The following ERICH5 variants were observed in gnomAD, a reference collection of about 807,000 sequenced individuals.
ERICH5 encodes the protein glutamate rich 5, also known as glutamate-rich protein 5.
Under a neutral mutation model 28.0 loss-of-function variants are expected in ERICH5, and 24 were observed. The observed-to-expected ratio is 0.86, with a 90% CI of 0.62 to 1.21. ERICH5 has a LOEUF of 1.21. Among genes scored for constraint, ERICH5 ranks in the 50% most tolerant of loss-of-function variants. The pLI, the probability that ERICH5 is intolerant of heterozygous loss-of-function variation, is 0.00. For synonymous variants in ERICH5, 163 were observed against 157.6 expected, an observed-to-expected ratio of 1.03 and a Z score of -0.25; for missense variants, 421 against 441.2, an observed-to-expected ratio of 0.95 and a Z score of 0.41.
At chr8:98,076,084 C>A (rs1815048309) in intron 1 of ERICH5, among the ~76,000 whole-genome samples, 1 of 152,070 alleles carries the variant, frequency 6.6e-6, no homozygotes, top group Non-Finnish European at 1.5e-5. Context: ...GAGTCTCTCT[C>A]TCTCTGTCAC....
intron 1 of ERICH5, among the ~76,000 whole-genome samples, chr8:98,070,185 G>A (rs1282797207): frequency 6.6e-6 from 1 of 151,976 alleles, no homozygotes; most frequent in Non-Finnish European, 1.5e-5. Context: ...CTGGGATCTG[G>A]TCCTAGTTCT....
chr8:98,066,437 T>C (rs1755437960), intron 1 of ERICH5, among the ~76,000 whole-genome samples: 1 of 152,236 alleles, frequency 6.6e-6, no homozygotes, highest in Non-Finnish European at 1.5e-5. Flanking sequence ...TTTCAGGGAA[T>C]GTAACTTTGG....
chr8:98,080,163 T>A (rs894421067), intron 1 of ERICH5, among the ~76,000 whole-genome samples: 1 of 152,244 alleles, frequency 6.6e-6, no homozygotes, highest in Admixed American at 6.5e-5. Context: ...CTGTTTAGTG[T>A]GGCTACCTTT....
At chr8:98,071,371 G>A (rs1458972147) in intron 1 of ERICH5, among the ~76,000 whole-genome samples, 1 of 152,248 alleles carries the variant, frequency 6.6e-6, no homozygotes, top group Non-Finnish European at 1.5e-5. Flanking sequence ...ACAATATCAA[G>A]TTGAAAGAAA....
At chr8:98,066,836 T>A (rs919137715) in intron 1 of ERICH5, among the ~76,000 whole-genome samples, 1 of 152,238 alleles carries the variant, frequency 6.6e-6, no homozygotes, top group African/African-American at 2.4e-5. Flanking sequence ...AATTCATTCC[T>A]GTTTCTGCAC....
intron 1 of ERICH5, among the ~76,000 whole-genome samples, chr8:98,084,277 T>C (rs2130527153): frequency 6.6e-6 from 1 of 152,324 alleles, no homozygotes; most frequent in Non-Finnish European, 1.5e-5. Flanking sequence ...ACTGTCATTA[T>C]GTCCAGTCAT....
chr8:98,080,936 C>G (rs1815172601), intron 1 of ERICH5, among the ~76,000 whole-genome samples: 1 of 152,090 alleles, frequency 6.6e-6, no homozygotes, highest in Non-Finnish European at 1.5e-5. Context: ...CTCTTGACCT[C>G]AAGTGATTTG....
chr8:98,088,805 G>A (rs1293312863), intron 1 of ERICH5, among the ~76,000 whole-genome samples: 3 of 152,212 alleles, frequency 2.0e-5, no homozygotes, highest in Admixed American at 2.0e-4. Context: ...TGGGACAGGA[G>A]CCATGAAAAG....
At chr8:98,093,191 T>A (rs369689740) in intron 2 of ERICH5, 30 bp from the exon 3 acceptor site, 7 of 1,451,488 alleles carry the variant, frequency 4.8e-6, no homozygotes, top group Non-Finnish European at 6.7e-6. Context: ...AATAAATGTC[T>A]CTTAGTATCT....
chr8:98,065,022 T>A (rs9656782), intron 1 of ERICH5, among the ~76,000 whole-genome samples: 3,285 of 151,788 alleles, frequency 0.022, 125 homozygotes, highest in African/African-American at 0.075. Context: ...TCTCGGGGAG[T>A]TGGTGTTGAG....
At chr8:98,085,365 G>C (rs1233980685) in intron 1 of ERICH5, among the ~76,000 whole-genome samples, 1 of 151,346 alleles carries the variant, frequency 6.6e-6, no homozygotes, top group African/African-American at 2.4e-5. Flanking sequence ...GGGTTTCACC[G>C]TGTTAGCCAG....
At position 98,067,777 on chromosome 8, in the gene ERICH5, G is replaced by A. The variant is rs144475570; in HGVS notation, c.58+3050G>A. On this transcript the variant is annotated intron_variant, in intron 1 of 2. Transcript: ENST00000318528. ...ATTACAGGCATGTGCCACCACACTC[G>A]GCTAATTTTGTATTTTTAGTAGAGA... 1.2e-3 allele frequency among the ~76,000 whole-genome samples: 189 copies of A among 151,862 alleles called. 1 individual carries two copies. The highest frequency in any genetic ancestry group is 4.4e-3 in the African/African-American group (182 of 41,444).
intron 1 of ERICH5, among the ~76,000 whole-genome samples, chr8:98,067,659 A>G (rs62523600): frequency 0.1 from 15,630 of 151,156 alleles, 1,013 homozygotes; most frequent in South Asian, 0.2. Context: ...CTTGTTGCCC[A>G]GGCTGGAGTG....
intron 1 of ERICH5, among the ~76,000 whole-genome samples, chr8:98,066,211 G>C (rs994192988): frequency 6.6e-6 from 1 of 152,186 alleles, no homozygotes; most frequent in African/African-American, 2.4e-5. Context: ...TTTATGTTAT[G>C]AAATTAAGTA....
rs946402837 is a variant in ERICH5 at position 98,093,476 on chromosome 8, A to C, written c.*143A>C. 2.3e-5 allele frequency: 12 copies of C among 527,544 alleles called. No individual in the cohort carries two copies. Among genetic ancestry groups the C allele is most frequent in the Non-Finnish European group, 3.7e-5 (11 of 300,676 alleles). The allele number at this position is 527,544 out of a possible 1,614,324, so 32.7% of individuals were successfully genotyped here. A position where few individuals can be genotyped will look rare whatever the true frequency, so the allele number is the denominator to read the frequency against. ...TAGAGAGACTGTTGGAACCATGAGA[A>C]GGATGTTTCTGTGTTCTTGATTATA... On this transcript the variant is annotated 3_prime_UTR_variant, in exon 3 of 3. Transcript: ENST00000318528.
intron 1 of ERICH5, among the ~76,000 whole-genome samples, chr8:98,066,541 A>G (rs532065796): frequency 6.6e-6 from 1 of 152,356 alleles, no homozygotes; most frequent in African/African-American, 2.4e-5. Flanking sequence ...ATCAATATTA[A>G]TAACTATTCC....
In ERICH5 at chr8:98,089,193, G is replaced by A. The variant is rs7833473; in HGVS notation, c.176G>A (p.Arg59His). Reference sequence around the variant, plus strand: ...GATGGCAATGTACAAAGGGAAAGCCGTCCTCCCTTACAAAAGCTCAAGGTT... The same window carrying A: ...GATGGCAATGTACAAAGGGAAAGCCATCCTCCCTTACAAAAGCTCAAGGTT... Reference protein sequence around the residue: ...TVDGNVQRESRPPLQKLKVSA... With the variant: ...TVDGNVQRESHPPLQKLKVSA... Residue 59 changes from arginine (R) to histidine (H), a missense_variant, in exon 2 of 3, where the codon CGT (arginine) becomes CAT (histidine). Coordinates refer to ENST00000318528, the MANE Select transcript of ERICH5 (RefSeq NM_173549.3). 4.5e-3 allele frequency: 7,248 copies of A among 1,614,140 alleles called. 262 individuals carry two copies. The African/African-American group carries it at 0.081, about 18-fold the overall frequency.
rs189339349 is a variant in ERICH5 at position 98,092,849 on chromosome 8, C to T, written c.1013-372C>T. Among the ~76,000 whole-genome samples, 1,051 of 150,610 alleles carry T rather than the reference C, an allele frequency of 7.0e-3. 11 individuals are homozygous for T. The highest frequency in any genetic ancestry group is 0.024 in the African/African-American group (993 of 40,868). ...GGAGTGCAGTGGCGTGATCTCAGCT[C>T]ACTGCAACTTCTGCCTCCCGGCTTC... On this transcript the variant is annotated intron_variant, in intron 2 of 2. Coordinates refer to ENST00000318528, the MANE Select transcript of ERICH5 (RefSeq NM_173549.3).
At position 98,092,796 on chromosome 8, in the gene ERICH5, GAC is replaced by G. The variant is rs1815430230; in HGVS notation, c.1013-423_1013-422del. Among the ~76,000 whole-genome samples the G allele has an allele frequency of 2.1e-5, 3 of 142,126 alleles. No individual in the cohort carries two copies. In the South Asian group the frequency reaches 6.6e-4, roughly 31 times the overall value. The allele number at this position is 142,126 out of a possible 152,430, so 93.2% of individuals were successfully genotyped here. The stretch of plus-strand genomic sequence containing the variant: ...CTTTTCCTTTTTTTTTTTTTTTTGA[GAC>G]AGAGTCTCGTTCTGTCGCCCAGACT... On this transcript the variant is annotated intron_variant, in intron 2 of 2. Coordinates refer to ENST00000318528, the MANE Select transcript of ERICH5 (RefSeq NM_173549.3).
Sources: gnomAD v4.1 joint callset for allele counts (sites outside exome capture counted in the v4.1 genomes callset) on GRCh38, gnomAD v4.1.1 for gene constraint, MANE v1.5 for transcripts, NCBI Gene and HGNC (gene_info 2026-07-23, HGNC 2026-07-21) for gene names.